The following UGT1A4 variants were observed in gnomAD, a reference collection of about 807,000 sequenced individuals.
UGT1A4 encodes UDP glucuronosyltransferase family 1 member A4.
Under a neutral mutation model 41.1 loss-of-function variants are expected in UGT1A4, and 32 were observed. The ratio of observed to expected loss-of-function variants is 0.78; its 90% CI spans 0.59 to 1.05. The LOEUF (loss-of-function observed/expected upper bound fraction) is 1.05. Ranked by LOEUF, UGT1A4 falls within the 50% of genes least tolerant of loss-of-function variation. The probability of loss-of-function intolerance (pLI) is 0.00; values close to 1 mark genes in which losing one functional copy is unlikely to be tolerated. For missense variants in UGT1A4, 748 were observed against 677.4 expected, an observed-to-expected ratio of 1.10 and a Z score of -1.16; for synonymous variants, 283 against 265.1, an observed-to-expected ratio of 1.07 and a Z score of -0.66.
intron 1 of UGT1A4, among the ~76,000 whole-genome samples, chr2:233,757,296 G>A (rs1428870685): frequency 7.7e-6 from 1 of 129,554 alleles, no homozygotes; most frequent in African/African-American, 2.9e-5. Flanking sequence ...ACAGCTGGGG[G>A]TTGGGGGACA....
intron 1 of UGT1A4, among the ~76,000 whole-genome samples, chr2:233,765,663 C>T (rs1698902511): frequency 6.6e-6 from 1 of 151,426 alleles, no homozygotes; most frequent in South Asian, 2.1e-4. Flanking sequence ...CAGCAAACCA[C>T]CATGGCATAT....
chr2:233,761,598 A>G (rs1310966456), intron 1 of UGT1A4, among the ~76,000 whole-genome samples: 2 of 152,232 alleles, frequency 1.3e-5, no homozygotes, highest in African/African-American at 4.8e-5. Flanking sequence ...TTAAAGCTCC[A>G]GTTTCTAAAT....
At chr2:233,743,998 C>T (rs1199821485) in intron 1 of UGT1A4, 12 of 1,233,642 alleles carry the variant, frequency 9.7e-6, no homozygotes, top group African/African-American at 6.3e-5. Flanking sequence ...CCCGAGTGCT[C>T]GGAGACCTGG....
intron 1 of UGT1A4, among the ~76,000 whole-genome samples, chr2:233,749,142 T>G (rs1432365652): frequency 6.6e-6 from 1 of 151,878 alleles, no homozygotes; most frequent in Non-Finnish European, 1.5e-5. Flanking sequence ...GCATATGAAC[T>G]TCCATGACTT....
intron 1 of UGT1A4, among the ~76,000 whole-genome samples, chr2:233,734,844 A>G (rs1575606786): frequency 6.6e-6 from 1 of 152,286 alleles, no homozygotes; most frequent in Middle Eastern, 3.4e-3. Flanking sequence ...TTCTTAATCC[A>G]GAGTTCTAAT....
intron 1 of UGT1A4, among the ~76,000 whole-genome samples, chr2:233,732,527 T>G (rs920037607): frequency 6.6e-6 from 1 of 152,244 alleles, no homozygotes; most frequent in African/African-American, 2.4e-5. Context: ...TTTCTACATA[T>G]GGCCAGTTTT....
At chr2:233,750,081 T>C (rs1164300379) in intron 1 of UGT1A4, among the ~76,000 whole-genome samples, 3 of 151,620 alleles carry the variant, frequency 2.0e-5, no homozygotes, top group African/African-American at 7.3e-5. Context: ...CAGGCAGAGG[T>C]TGGAACAGTT....
At position 233,772,381 on chromosome 2, in the gene UGT1A4, G is replaced by A. The variant is rs150687296; in HGVS notation, c.1427G>A (p.Arg476His). 6.8e-6 allele frequency: 11 copies of A among 1,614,106 alleles called. No individual in the cohort carries two copies. Among genetic ancestry groups the A allele is most frequent in the Middle Eastern group, 1.6e-4 (1 of 6,084 alleles). Residue 476 changes from arginine (R) to histidine (H), a missense_variant, in exon 5 of 5, where the codon CGC becomes CAC. Transcript: ENST00000373409. The stretch of plus-strand genomic sequence containing the variant: ...AGGCACAAGGGCGCGCCACACCTGC[G>A]CCCCGCAGCCCACGACCTCACCTGG... ...VMRHKGAPHL[R>H]PAAHDLTWYQ...
intron 4 of UGT1A4, among the ~76,000 whole-genome samples, chr2:233,771,927 C>A (rs1388593829): frequency 6.6e-6 from 1 of 152,006 alleles, no homozygotes; most frequent in African/African-American, 2.4e-5. Context: ...ACAGCCTGGG[C>A]AACACAATAA....
chr2:233,727,845 A>G (rs1384515485), intron 1 of UGT1A4, among the ~76,000 whole-genome samples: 1 of 152,084 alleles, frequency 6.6e-6, no homozygotes, highest in East Asian at 1.9e-4. Context: ...ATGTGGAGTA[A>G]TTTCCTCCCT....
intron 1 of UGT1A4, among the ~76,000 whole-genome samples, chr2:233,727,282 A>G (rs1252298751): frequency 6.6e-6 from 1 of 152,100 alleles, no homozygotes; most frequent in African/African-American, 2.4e-5. Flanking sequence ...CAGACCCTGG[A>G]AGCTGATGAC....
rs778450561 is a variant in UGT1A4, at chr2:233,718,918, T to G, written c.98T>G (p.Val33Gly). The change falls in exon 1 of 5, where the codon GTG becomes GGG. Residue 33 changes from valine (V) to glycine (G), a missense_variant. Transcript: ENST00000373409. ...TGGGCTGAGAGTGGAAAGGTGTTGG[T>G]GGTGCCCACTGATGGCAGCCCCTGG... ...QPWAESGKVL[V>G]VPTDGSPWLS... 2 of 1,614,094 alleles carry G rather than the reference T, an allele frequency of 1.2e-6. No individual in the cohort carries two copies. The highest frequency in any genetic ancestry group is 1.7e-6 in the Non-Finnish European group (2 of 1,179,982).
At chr2:233,772,179 C>T (rs540394959) in intron 4 of UGT1A4, 83 bp from the exon 5 acceptor site, 1 of 1,585,310 alleles carries the variant, frequency 6.3e-7, no homozygotes, top group East Asian at 2.3e-5. Context: ...ATCTGGTAGT[C>T]TTCTTAAGCA....
intron 1 of UGT1A4, among the ~76,000 whole-genome samples, chr2:233,726,510 G>T (rs558172784): frequency 5.9e-4 from 89 of 152,028 alleles, no homozygotes; most frequent in Middle Eastern, 3.4e-3. Context: ...GAATTTCATG[G>T]TACTTTTCCA....
chr2:233,760,764 C>T lies in UGT1A4; in HGVS notation c.868-6270C>T, dbSNP rs199766420. 1.0e-4 allele frequency: 164 copies of T among 1,614,088 alleles called. 1 individual carries two copies. The Middle Eastern group carries it at 2.1e-3, about 21-fold the overall frequency. ...ACCCTTTCCTTCCTTGCAGCCCCATCGTGGCCCAGTACCTGTCTCTGCCCA... is the reference window on the plus strand; with the variant it reads ...ACCCTTTCCTTCCTTGCAGCCCCATTGTGGCCCAGTACCTGTCTCTGCCCA... On this transcript the variant is annotated intron_variant, in intron 1 of 4. Transcript: ENST00000373409.
At chr2:233,730,071 T>C in intron 1 of UGT1A4, 2 of 1,609,386 alleles carry the variant, frequency 1.2e-6, no homozygotes, top group Non-Finnish European at 1.7e-6. Context: ...TAAAATTGCT[T>C]CCATATTTAC....
chr2:233,754,587 G>A (rs1339334824), intron 1 of UGT1A4: 1 of 428,154 alleles, frequency 2.3e-6, no homozygotes, highest in Non-Finnish European at 4.7e-6. Flanking sequence ...CGTTTATTAT[G>A]AAGGACTTTA....
chr2:233,748,526 A>G (rs1693963242), intron 1 of UGT1A4, among the ~76,000 whole-genome samples: 1 of 151,860 alleles, frequency 6.6e-6, no homozygotes, highest in South Asian at 2.1e-4. Context: ...CGAATGATAG[A>G]GAGGTGACCA....
intron 1 of UGT1A4, chr2:233,743,521 C>T (rs777952241): frequency 4.4e-6 from 6 of 1,367,160 alleles, no homozygotes; most frequent in Non-Finnish European, 5.9e-6. Flanking sequence ...TCTGCTTCTG[C>T]TTCCCCAGCA....
Sources: gnomAD v4.1 joint callset for allele counts (sites outside exome capture counted in the v4.1 genomes callset) on GRCh38, gnomAD v4.1.1 for gene constraint, MANE v1.5 for transcripts, NCBI Gene and HGNC (gene_info 2026-07-23, HGNC 2026-07-21) for gene names.